Variants in MAPK3 observed in about 807,000 individuals in gnomAD.
MAPK3 encodes the protein mitogen-activated protein kinase 3.
A neutral mutation model predicts 41.8 loss-of-function variants in MAPK3; 30 were observed. That is an observed-to-expected ratio of 0.72 (90% CI 0.54 to 0.97). The LOEUF (loss-of-function observed/expected upper bound fraction) is 0.97. Among genes scored for constraint, MAPK3 ranks in the 50% least tolerant of loss-of-function variants. The pLI is 0.00. For missense variants in MAPK3, 413 were observed against 509.9 expected, an observed-to-expected ratio of 0.81 and a Z score of 1.83; for synonymous variants, 222 against 213.4, an observed-to-expected ratio of 1.04 and a Z score of -0.35.
intron 1 of MAPK3, chr16:30,122,406 G>A (rs905666826): frequency 1.3e-5 from 4 of 318,088 alleles, no homozygotes. Flanking sequence ...AGGGGCAGGA[G>A]AGAATGGACA....
intron 2 of MAPK3, among the ~76,000 whole-genome samples, chr16:30,119,170 A>C (rs937683931): frequency 6.6e-6 from 1 of 151,248 alleles, no homozygotes; most frequent in Non-Finnish European, 1.5e-5. Flanking sequence ...AAAAAAAAAA[A>C]ACCTACAAAA....
intron 1 of MAPK3, 41 bp downstream of exon 1, chr16:30,122,999 C>T (rs749221057): frequency 7.0e-7 from 1 of 1,423,724 alleles, no homozygotes; most frequent in Non-Finnish European, 9.3e-7. Context: ...CGCGAAGCCC[C>T]CTCCCCTGAG....
chr16:30,121,748 CAG>C (rs1358102910), intron 2 of MAPK3, 74 bp downstream of exon 2: 6 of 1,471,288 alleles, frequency 4.1e-6, no homozygotes, highest in Non-Finnish European at 5.5e-6. Flanking sequence ...AAGATGGAAA[CAG>C]AAACCAAGCA....
chr16:30,119,905 A>C (rs1194525897), intron 2 of MAPK3, among the ~76,000 whole-genome samples: 4 of 152,250 alleles, frequency 2.6e-5, no homozygotes, highest in Admixed American at 2.6e-4. Flanking sequence ...ATGGTGGCTC[A>C]TGCCTGTAAT....
intron 1 of MAPK3, 53 bp downstream of exon 1, chr16:30,122,987 C>A: frequency 5.8e-6 from 8 of 1,378,004 alleles, no homozygotes; most frequent in Non-Finnish European, 7.6e-6. Context: ...CTCCTCCTCT[C>A]CCGCGAAGCC....
Position 30,117,144 on chromosome 16 carries a change from T to A in MAPK3, c.907+10A>T, listed in dbSNP as rs751010130. 4 of 1,613,826 alleles carry A rather than the reference T, an allele frequency of 2.5e-6. No individual in the cohort carries two copies. The highest frequency in any genetic ancestry group is 1.7e-5 in the Admixed American group (1 of 59,982). On this transcript the variant is annotated intron_variant, in intron 6 of 8. Transcript: ENST00000263025. ...GGTTTATCCCACACCCACCCTCATGTCTCTCGAACCTTTGGAGTCTGACTT... is the reference window on the plus strand; with the variant it reads ...GGTTTATCCCACACCCACCCTCATGACTCTCGAACCTTTGGAGTCTGACTT...
Position 30,117,266 on chromosome 16 carries a change from G to C in MAPK3, c.795C>G (p.Ser265=). 1 of 1,614,048 alleles carries C rather than the reference G, an allele frequency of 6.2e-7. No homozygotes were observed. The highest frequency in any genetic ancestry group is 1.7e-4 in the Middle Eastern group (1 of 6,060). ...TGATGATACAATTCAGGTCCTCCTG[G>C]GATGGGGAGCCCAGGATGCCTGTGG... is the stretch of plus-strand genomic sequence containing the variant. The part of the protein sequence containing the change: ...NHILGILGSP[S]QEDLNCIINM... The change falls in exon 6 of 9, where the codon TCC becomes TCG. Residue 265 remains serine (S), a synonymous_variant. Transcript: ENST00000263025.
chr16:30,115,446 C>T (rs2072946315), intron 8 of MAPK3: 1 of 153,250 alleles, frequency 6.5e-6, no homozygotes. Flanking sequence ...GTGGGGTCCC[C>T]ACAGCTATGT....
At chr16:30,119,468 T>C (rs1035669688) in intron 2 of MAPK3, among the ~76,000 whole-genome samples, 18 of 152,122 alleles carry the variant, frequency 1.2e-4, no homozygotes, top group African/African-American at 4.3e-4. Flanking sequence ...TGAGGGTGGT[T>C]GTGAAGACTA....
intron 8 of MAPK3, among the ~76,000 whole-genome samples, chr16:30,115,088 AAAATT>A (rs1332830626): frequency 6.6e-6 from 1 of 151,932 alleles, no homozygotes; most frequent in Non-Finnish European, 1.5e-5. Flanking sequence ...AAAAAAAAAA[AAAATT>A]AGCCGGTTGC....
intron 1 of MAPK3, 104 bp downstream of exon 1, chr16:30,122,936 A>T: frequency 9.7e-7 from 1 of 1,032,860 alleles, no homozygotes. Flanking sequence ...CCTCCTCGGG[A>T]CGCTCCGCGT....
chr16:30,121,718 T>C, intron 2 of MAPK3, 106 bp downstream of exon 2: 1 of 1,186,608 alleles, frequency 8.4e-7, no homozygotes. Context: ...TTACTGGGTT[T>C]GTTTTGGAGG....
rs61764214 is a variant in MAPK3 at position 30,118,657 on chromosome 16, T to C, written c.354-119A>G. Reference sequence around the variant, plus strand: ...TCCAGCCAGGGCCCCTGGGACTCAATAGATCTGCCAACCTGCACCACCAGC... The same window carrying C: ...TCCAGCCAGGGCCCCTGGGACTCAACAGATCTGCCAACCTGCACCACCAGC... On this transcript the variant is annotated intron_variant, in intron 2 of 8. Coordinates refer to ENST00000263025, the MANE Select transcript of MAPK3 (RefSeq NM_002746.3). 3,465 of 735,588 alleles carry C rather than the reference T, an allele frequency of 4.7e-3. 19 individuals carry two copies. Among genetic ancestry groups the C allele is most frequent in the Non-Finnish European group, 6.1e-3 (2,782 of 459,772 alleles). 45.6% of individuals were successfully genotyped at this position (735,588 alleles called of 1,614,324 possible). A position where few individuals can be genotyped will look rare whatever the true frequency, so the allele number is the denominator to read the frequency against.
intron 2 of MAPK3, 96 bp downstream of exon 2, chr16:30,121,728 G>T: frequency 7.9e-7 from 1 of 1,267,376 alleles, no homozygotes; most frequent in Non-Finnish European, 1.1e-6. Context: ...TGTTTTGGAG[G>T]GTGGTGGGTA....
At chr16:30,118,870 G>T (rs1389762471) in intron 2 of MAPK3, among the ~76,000 whole-genome samples, 1 of 152,144 alleles carries the variant, frequency 6.6e-6, no homozygotes, top group Non-Finnish European at 1.5e-5. Context: ...CAGGAGTGGT[G>T]GCTCACACCT....
At chr16:30,118,250 C>T in intron 3 of MAPK3, 87 bp from the exon 4 acceptor site, 1 of 1,567,718 alleles carries the variant, frequency 6.4e-7, no homozygotes, top group Non-Finnish European at 8.7e-7. Flanking sequence ...CTCCACTGTT[C>T]CCTTTGCTTG....
Position 30,118,396 on chromosome 16 carries a change from C to T in MAPK3, c.496G>A (p.Asp166Asn). 1 of 1,613,776 alleles carries T rather than the reference C, an allele frequency of 6.2e-7. No homozygotes were observed. Among genetic ancestry groups the T allele is most frequent in the East Asian group, 2.2e-5 (1 of 44,870 alleles). The change falls in exon 3 of 9, where the codon GAT becomes AAT. Residue 166 changes from aspartate (D) to asparagine (N), a missense_variant. By Grantham distance (23) the Asp-to-Asn change is conservative. Around this residue, in one of 4 missense-constraint regions of MAPK3, gnomAD observed 140 missense variants for 206.0 expected, o/e 0.68. Coordinates refer to ENST00000263025, the MANE Select transcript of MAPK3 (RefSeq NM_002746.3). Reference sequence around the variant, plus strand: ...ATGAGCAGGTTGGAGGGCTTTAGATCTCGGTGGAGCACGTTGGCGGAGTGG... The same window carrying T: ...ATGAGCAGGTTGGAGGGCTTTAGATTTCGGTGGAGCACGTTGGCGGAGTGG... ...YIHSANVLHR[D>N]LKPSNLLINT...
Position 30,120,096 on chromosome 16 carries a change from G to C in MAPK3, c.354-1558C>G, listed in dbSNP as rs2073000717. Reference sequence around the variant, plus strand: ...AGGCAGGAGAATAGCTTGAACCTGGGAGGTGGAGGTTGCCGTGAGCTGAGA... The same window carrying C: ...AGGCAGGAGAATAGCTTGAACCTGGCAGGTGGAGGTTGCCGTGAGCTGAGA... On this transcript the variant is annotated intron_variant, in intron 2 of 8. Transcript: ENST00000263025. Among the ~76,000 whole-genome samples the C allele has an allele frequency of 2.0e-5, 3 of 152,224 alleles. No individual in the cohort carries two copies. In the South Asian group the frequency reaches 6.2e-4, roughly 32 times the overall value.
In MAPK3 at chr16:30,117,944, G is replaced by T; in HGVS notation, c.660+103C>A. ...TCCTTGCAGAGCCCAAGGCCCAGAG[G>T]GTAGAATTCCTGTGTCATGGGGGTC... On this transcript the variant is annotated intron_variant, in intron 4 of 8. Transcript: ENST00000263025. 2.5e-6 allele frequency: 3 copies of T among 1,184,624 alleles called. No individual in the cohort carries two copies. The South Asian group carries it at 3.8e-5, about 15-fold the overall frequency. 73.4% of individuals were successfully genotyped at this position (1,184,624 alleles called of 1,614,324 possible).
Sources: allele counts gnomAD v4.1 joint callset (sites outside exome capture counted in the v4.1 genomes callset), GRCh38; gene constraint gnomAD v4.1.1; regional missense constraint gnomAD v4.1.1; transcripts MANE v1.5; gene names NCBI Gene and HGNC (gene_info 2026-07-23, HGNC 2026-07-21).